The following ANGPT1 variants were observed in gnomAD, a reference collection of about 807,000 sequenced individuals.
ANGPT1 encodes the protein angiopoietin 1, also known as angiopoietin-1.
ANGPT1 carries 17 observed loss-of-function variants against 62.2 expected under a neutral mutation model. That is an observed-to-expected ratio of 0.27 (90% CI 0.19 to 0.41). The LOEUF (loss-of-function observed/expected upper bound fraction) is 0.41, where lower values mean the gene tolerates loss of function less well. Among genes scored for constraint, ANGPT1 ranks in the 10% least tolerant of loss-of-function variants. The pLI, the probability that ANGPT1 is intolerant of heterozygous loss-of-function variation, is 1.00. For synonymous variants in ANGPT1, 199 were observed against 198.9 expected (o/e 1.00, Z 0.00); for missense variants, 478 against 594.9 (o/e 0.80, Z 2.04).
chr8:107,388,223 G>A (rs1816769330), intron 1 of ANGPT1, among the ~76,000 whole-genome samples: 1 of 151,808 alleles, frequency 6.6e-6, no homozygotes. Context: ...TCTGAGACCG[G>A]GCAACATAGC....
chr8:107,396,108 T>C (rs1179715153), intron 1 of ANGPT1, among the ~76,000 whole-genome samples: 1 of 152,190 alleles, frequency 6.6e-6, no homozygotes, highest in Non-Finnish European at 1.5e-5. Context: ...CTTTTGATAG[T>C]GATAGAGCTA....
At chr8:107,434,367 A>G (rs1175229109) in intron 1 of ANGPT1, among the ~76,000 whole-genome samples, 1 of 152,176 alleles carries the variant, frequency 6.6e-6, no homozygotes, top group East Asian at 1.9e-4. Flanking sequence ...TTGCGTGGAC[A>G]ACTTGAAATC....
At chr8:107,299,395 A>G (rs1360495208) in intron 5 of ANGPT1, among the ~76,000 whole-genome samples, 91 of 18,922 alleles carry the variant, frequency 4.8e-3, no homozygotes, top group Admixed American at 9.3e-3. Context: ...AGGAGTGTAT[A>G]TATATATATA....
intron 1 of ANGPT1, among the ~76,000 whole-genome samples, chr8:107,446,542 AGGATTT>A (rs1811626058): frequency 6.6e-6 from 1 of 152,208 alleles, no homozygotes; most frequent in Non-Finnish European, 1.5e-5. Flanking sequence ...AAAGATAAAG[AGGATTT>A]TACTAGATAA....
intron 2 of ANGPT1, among the ~76,000 whole-genome samples, chr8:107,340,318 A>G (rs1253412243): frequency 6.6e-6 from 1 of 152,160 alleles, no homozygotes; most frequent in Non-Finnish European, 1.5e-5. Flanking sequence ...TTTCCAAAAT[A>G]TACCTAAGAG....
intron 3 of ANGPT1, among the ~76,000 whole-genome samples, chr8:107,333,605 G>A (rs909136821): frequency 6.6e-6 from 1 of 152,048 alleles, no homozygotes; most frequent in Non-Finnish European, 1.5e-5. Context: ...AATGAGAGGG[G>A]AAAGTTCATC....
intron 1 of ANGPT1, among the ~76,000 whole-genome samples, chr8:107,437,333 C>T (rs931947614): frequency 2.6e-5 from 4 of 152,046 alleles, no homozygotes; most frequent in Non-Finnish European, 4.4e-5. Context: ...GACAAAAATC[C>T]GTAGGTCTAG....
Position 107,343,771 on chromosome 8 carries a change from A to T in ANGPT1, c.453+3171T>A, listed in dbSNP as rs751421058. On this transcript the variant is annotated intron_variant, in intron 2 of 8. Transcript: ENST00000517746. ...CTATTAAAACATCTTACATCAAGGA[A>T]GTACCCAAAGGCAGGAGTGGTTGCT... Among the ~76,000 whole-genome samples the T allele has an allele frequency of 3.3e-5, 5 of 152,202 alleles. No homozygotes were observed. In the South Asian group the frequency reaches 1.0e-3, roughly 32 times the overall value.
chr8:107,318,951 GA>G (rs1326823373), intron 4 of ANGPT1, among the ~76,000 whole-genome samples: 2 of 152,108 alleles, frequency 1.3e-5, no homozygotes, highest in African/African-American at 4.8e-5. Context: ...TTAGAGATCA[GA>G]AAATGGAGGC....
At chr8:107,334,427 T>A (rs1046037444) in intron 3 of ANGPT1, among the ~76,000 whole-genome samples, 7 of 152,138 alleles carry the variant, frequency 4.6e-5, no homozygotes, top group Non-Finnish European at 1.0e-4. Flanking sequence ...AGACTGTGTG[T>A]AAGGTATGAC....
intron 1 of ANGPT1, among the ~76,000 whole-genome samples, chr8:107,397,352 T>C (rs138259652): frequency 2.6e-4 from 39 of 152,270 alleles, no homozygotes; most frequent in Admixed American, 7.2e-4. Flanking sequence ...TAGGCTCCAA[T>C]AAAACAAAGC....
At chr8:107,273,436 G>A (rs533623446) in intron 7 of ANGPT1, among the ~76,000 whole-genome samples, 24 of 152,118 alleles carry the variant, frequency 1.6e-4, no homozygotes, top group African/African-American at 5.5e-4. Context: ...TCATCAGTGT[G>A]CTTATTTGTC....
chr8:107,321,775 A>G (rs1563567834), intron 4 of ANGPT1, 121 bp downstream of exon 4: 1 of 746,270 alleles, frequency 1.3e-6, no homozygotes, highest in Non-Finnish European at 2.1e-6. Flanking sequence ...GATTCTAACC[A>G]TAAAGTTCTT....
chr8:107,252,032 T>TA lies in ANGPT1; in HGVS notation c.1337-18dup. 6.2e-7 allele frequency: 1 copy of TA among 1,608,202 alleles called. No individual in the cohort carries two copies. The highest frequency in any genetic ancestry group is 8.5e-7 in the Non-Finnish European group (1 of 1,176,642). ...ACCACCATCCTGAAAAAATAATTCA[T>TA]AATAGAAGAGAGAAGGAGAGGCAAC... is the stretch of plus-strand genomic sequence containing the variant. On this transcript the variant is annotated splice_polypyrimidine_tract_variant and intron_variant, in intron 8 of 8. Coordinates refer to ENST00000517746, the MANE Select transcript of ANGPT1 (RefSeq NM_001146.5).
At chr8:107,449,677 A>G (rs538473145) in intron 1 of ANGPT1, among the ~76,000 whole-genome samples, 2 of 152,182 alleles carry the variant, frequency 1.3e-5, no homozygotes, top group African/African-American at 4.8e-5. Flanking sequence ...CTATGTTTTC[A>G]ACTGTTGCAT....
At chr8:107,422,449 A>C (rs1283670) in intron 1 of ANGPT1, among the ~76,000 whole-genome samples, 16,345 of 152,206 alleles carry the variant, frequency 0.11, 960 homozygotes, top group South Asian at 0.16. Context: ...TCACAAAAAC[A>C]CCTTTTACAA....
intron 1 of ANGPT1, among the ~76,000 whole-genome samples, chr8:107,355,879 G>T (rs1309338840): frequency 6.6e-6 from 1 of 151,996 alleles, no homozygotes; most frequent in African/African-American, 2.4e-5. Flanking sequence ...TAATAGCTTT[G>T]CTCACCATCC....
intron 7 of ANGPT1, among the ~76,000 whole-genome samples, chr8:107,283,281 T>C (rs1432314480): frequency 2.6e-5 from 4 of 152,148 alleles, no homozygotes; most frequent in African/African-American, 7.2e-5. Flanking sequence ...TTACACTCCA[T>C]TGCATTTTAT....
Position 107,336,230 on chromosome 8 carries a change from C to T in ANGPT1, c.495G>A (p.Glu165=), listed in dbSNP as rs754801891. 4 of 1,606,926 alleles carry T rather than the reference C, an allele frequency of 2.5e-6. No homozygotes were observed. The highest frequency in any genetic ancestry group is 1.1e-5 in the South Asian group (1 of 89,420). The stretch of plus-strand genomic sequence containing the variant: ...CTAGCTTGTAGGTGGATAATGAATT[C>T]TCCAGCAGCTGTATCTCAAGTCGAG... The part of the protein sequence containing the change: ...QTSRLEIQLL[E]NSLSTYKLEK... The change falls in exon 3 of 9, where the codon GAG becomes GAA. Residue 165 remains glutamate, a synonymous_variant. Coordinates refer to ENST00000517746, the MANE Select transcript of ANGPT1 (RefSeq NM_001146.5).
Sources: gnomAD v4.1 joint callset for allele counts (sites outside exome capture counted in the v4.1 genomes callset) on GRCh38, gnomAD v4.1.1 for gene constraint, MANE v1.5 for transcripts, NCBI Gene and HGNC (gene_info 2026-07-23, HGNC 2026-07-21) for gene names.